The following FTO variants were observed in gnomAD, a reference collection of about 807,000 sequenced individuals.
FTO encodes the protein alpha-ketoglutarate-dependent dioxygenase FTO.
FTO carries 47 observed loss-of-function variants against 63.9 expected under a neutral mutation model. That is an observed-to-expected ratio of 0.74 (90% confidence interval 0.58 to 0.94). FTO has a LOEUF of 0.94. FTO is among the 40% of genes least tolerant of loss of function. The probability of loss-of-function intolerance (pLI) is 0.00; values close to 1 mark genes in which losing one functional copy is unlikely to be tolerated. For missense variants in FTO, 562 were observed against 618.1 expected (o/e 0.91, Z 0.96); for synonymous variants, 207 against 224.4 (o/e 0.92, Z 0.69).
intron 1 of FTO, among the ~76,000 whole-genome samples, chr16:53,720,397 A>G (rs1366881813): frequency 2.0e-5 from 3 of 151,840 alleles, no homozygotes; most frequent in Non-Finnish European, 4.4e-5. Context: ...TAGCATTCTT[A>G]TCTCATCCAC....
chr16:53,962,600 C>T (rs977141602), intron 8 of FTO, among the ~76,000 whole-genome samples: 2 of 152,130 alleles, frequency 1.3e-5, no homozygotes, highest in South Asian at 2.1e-4. Context: ...GATAATGATG[C>T]GTCCTGCATA....
At position 54,103,863 on chromosome 16, in the gene FTO, C is replaced by G. The variant is rs559470545; in HGVS notation, c.1365-7899C>G. 2.6e-5 allele frequency among the ~76,000 whole-genome samples: 4 copies of G among 152,196 alleles called. No homozygotes were observed. The East Asian group carries it at 7.7e-4, about 29-fold the overall frequency. On this transcript the variant is annotated intron_variant, in intron 8 of 8. Transcript: ENST00000471389. ...AAATTTTTTTCACCACTCGCTATAA[C>G]AGATTATTTGGAGCAAAATATGGTG...
At position 53,894,204 on chromosome 16, in the gene FTO, G is replaced by A. The variant is rs1046703837; in HGVS notation, c.1239+5253G>A. Among the ~76,000 whole-genome samples the A allele has an allele frequency of 5.3e-5, 8 of 152,192 alleles. No individual in the cohort carries two copies. In the South Asian group the frequency reaches 1.4e-3, roughly 28 times the overall value. ...AGTTATAATAGTTTAATTTTAAGAT[G>A]AGTCATGCCTTTTCCCCTGCTATTT... On this transcript the variant is annotated intron_variant, in intron 7 of 8. Transcript: ENST00000471389.
intron 3 of FTO, among the ~76,000 whole-genome samples, chr16:53,831,203 A>G (rs2079133949): frequency 6.6e-6 from 1 of 152,200 alleles, no homozygotes; most frequent in Non-Finnish European, 1.5e-5. Flanking sequence ...TGGAGTATTC[A>G]TAAAAACGCT....
intron 2 of FTO, among the ~76,000 whole-genome samples, chr16:53,813,474 A>C (rs2078590895): frequency 1.3e-5 from 2 of 152,122 alleles, no homozygotes; most frequent in South Asian, 4.1e-4. Context: ...GGCCTCCCAA[A>C]GTGCTGGGAT....
At chr16:53,900,769 G>C (rs921508001) in intron 7 of FTO, among the ~76,000 whole-genome samples, 1 of 151,998 alleles carries the variant, frequency 6.6e-6, no homozygotes, top group African/African-American at 2.4e-5. Context: ...GAATACGAAG[G>C]ATTTTGATAG....
intron 8 of FTO, among the ~76,000 whole-genome samples, chr16:54,015,340 A>G (rs2111116): frequency 0.52 from 79,682 of 152,092 alleles, 23,391 homozygotes; most frequent in African/African-American, 0.79. Context: ...AGTGTGCGTC[A>G]CCTACACAAA....
chr16:53,951,079 G>C (rs193260938), intron 8 of FTO, among the ~76,000 whole-genome samples: 1 of 152,148 alleles, frequency 6.6e-6, no homozygotes, highest in African/African-American at 2.4e-5. Flanking sequence ...CTTGTTTTTC[G>C]TAAGTAATTA....
intron 2 of FTO, among the ~76,000 whole-genome samples, chr16:53,812,961 C>G (rs1439901396): frequency 1.3e-5 from 2 of 152,190 alleles, no homozygotes; most frequent in African/African-American, 4.8e-5. Flanking sequence ...CCTTCTGGTG[C>G]ATGATTACAT....
intron 1 of FTO, among the ~76,000 whole-genome samples, chr16:53,749,269 A>G (rs2076722785): frequency 6.6e-6 from 1 of 152,100 alleles, no homozygotes; most frequent in African/African-American, 2.4e-5. Flanking sequence ...GCAAACAGCA[A>G]TAGTTTTACT....
intron 4 of FTO, among the ~76,000 whole-genome samples, chr16:53,868,229 A>G (rs1275053964): frequency 6.6e-6 from 1 of 151,714 alleles, no homozygotes; most frequent in Non-Finnish European, 1.5e-5. Flanking sequence ...CATATTTGTT[A>G]ATGTTTTCTA....
intron 1 of FTO, among the ~76,000 whole-genome samples, chr16:53,787,129 A>G (rs1246486060): frequency 8.1e-5 from 12 of 148,224 alleles, no homozygotes; most frequent in Non-Finnish European, 1.3e-4. Flanking sequence ...AAAAAAAAAA[A>G]AAAAAAAAAA....
intron 6 of FTO, among the ~76,000 whole-genome samples, chr16:53,887,507 G>A (rs1461270441): frequency 6.6e-6 from 1 of 152,206 alleles, no homozygotes; most frequent in Non-Finnish European, 1.5e-5. Flanking sequence ...GTGGCAAACA[G>A]TTGAAGTTTA....
chr16:53,983,481 A>G (rs1032960779), intron 8 of FTO, among the ~76,000 whole-genome samples: 84 of 152,214 alleles, frequency 5.5e-4, no homozygotes, highest in African/African-American at 1.8e-3. Context: ...TGACTTTCTC[A>G]GTGGAGTGGA....
chr16:53,881,150 T>TAAATAAATAAATAAATAAATAAAA (rs1427694945), intron 6 of FTO, among the ~76,000 whole-genome samples: 5 of 149,982 alleles, frequency 3.3e-5, no homozygotes, highest in South Asian at 4.2e-4. Context: ...AATAAATAAA[T>TAAATAAATAAATAAATAAATAAAA]AAAAATAAAA....
chr16:53,881,998 A>G (rs990847001), intron 6 of FTO, among the ~76,000 whole-genome samples: 2 of 152,214 alleles, frequency 1.3e-5, no homozygotes, highest in Non-Finnish European at 2.9e-5. Context: ...GCACAGCTTT[A>G]TACATTTTCT....
At chr16:53,866,030 A>C (rs2080303844) in intron 4 of FTO, among the ~76,000 whole-genome samples, 1 of 152,218 alleles carries the variant, frequency 6.6e-6, no homozygotes, top group Non-Finnish European at 1.5e-5. Context: ...TATTTGCTGC[A>C]GGTTTCCTTA....
intron 1 of FTO, among the ~76,000 whole-genome samples, chr16:53,720,673 A>ATG (rs1205882679): frequency 6.8e-6 from 1 of 147,658 alleles, no homozygotes; most frequent in East Asian, 2.0e-4. Context: ...ATATATATAA[A>ATG]AGATATATAT....
At chr16:53,913,714 C>G (rs1362428443) in intron 7 of FTO, among the ~76,000 whole-genome samples, 2 of 152,188 alleles carry the variant, frequency 1.3e-5, no homozygotes, top group East Asian at 3.9e-4. Context: ...CGCAGTGGCT[C>G]ATGCCTGTAA....
Sources: gnomAD v4.1 joint callset for allele counts (sites outside exome capture counted in the v4.1 genomes callset) on GRCh38, gnomAD v4.1.1 for gene constraint, MANE v1.5 for transcripts, NCBI Gene and HGNC (gene_info 2026-07-23, HGNC 2026-07-21) for gene names.